KRT37: variants seen among roughly 807,000 people sequenced by gnomAD.
KRT37 encodes the protein keratin, type I cuticular Ha7.
A neutral mutation model predicts 41.9 loss-of-function variants in KRT37; 38 were observed. The observed-to-expected ratio is 0.91, with a 90% CI of 0.70 to 1.19. The LOEUF (loss-of-function observed/expected upper bound fraction) is 1.19, where lower values mean the gene tolerates loss of function less well. KRT37 is among the 50% of genes most tolerant of loss of function. The probability of loss-of-function intolerance (pLI) is 0.00; values close to 1 mark genes in which losing one functional copy is unlikely to be tolerated. For synonymous variants in KRT37, 252 were observed against 243.4 expected (o/e 1.04, Z -0.33); for missense variants, 580 against 575.5 (o/e 1.01, Z -0.08).
chr17:41,423,646 T>C, intron 2 of KRT37, 116 bp downstream of exon 2: 1 of 827,928 alleles, frequency 1.2e-6, no homozygotes, highest in African/African-American at 1.7e-5. Context: ...TGGAGAGAAA[T>C]ATTCTTCTAG....
Position 41,421,544 on chromosome 17 carries a change from T to C in KRT37, c.1064A>G (p.Tyr355Cys), listed in dbSNP as rs1339057340. 1.2e-6 allele frequency: 2 copies of C among 1,614,254 alleles called. No individual in the cohort carries two copies. Among genetic ancestry groups the C allele is most frequent in the Non-Finnish European group, 1.7e-6 (2 of 1,180,048 alleles). The change falls in exon 6 of 7, where the codon TAC becomes TGC. Residue 355 changes from tyrosine to cysteine, a missense_variant. Transcript: ENST00000225550. Reference protein sequence around the residue: ...QNSLCEAEDRYGTELAQMQSL... With the variant: ...QNSLCEAEDRCGTELAQMQSL... ...CTGCATCTGGGCCAGCTCTGTGCCG[T>C]AGCGGTCCTCCGCTTCACACAGGGA...
chr17:41,421,410 C>T lies in KRT37; in HGVS notation c.1198G>A (p.Glu400Lys), dbSNP rs765141423. Reference protein sequence around the residue: ...LLDVKARLENEIATYRNLLES... With the variant: ...LLDVKARLENKIATYRNLLES... Reference sequence around the variant, plus strand: ...AGAAGGTTCCGGTATGTGGCAATCTCGTTCTCCAACCGGGCCTTCACGTCC... The same window carrying T: ...AGAAGGTTCCGGTATGTGGCAATCTTGTTCTCCAACCGGGCCTTCACGTCC... The change falls in exon 6 of 7, where the codon GAG becomes AAG. Residue 400 changes from glutamate (E) to lysine (K), a missense_variant. By Grantham distance (56) the Glu-to-Lys change is moderately conservative. Coordinates refer to ENST00000225550, the MANE Select transcript of KRT37 (RefSeq NM_003770.5). The T allele has an allele frequency of 1.2e-6, 2 of 1,614,244 alleles. No individual in the cohort carries two copies. Among genetic ancestry groups the T allele is most frequent in the Non-Finnish European group, 1.7e-6 (2 of 1,180,044 alleles).
rs2018571739 is a variant in KRT37, at chr17:41,423,516, T to C, written c.575+246A>G. 1.3e-5 allele frequency: 6 copies of C among 472,334 alleles called. No homozygotes were observed. In the South Asian group the frequency reaches 2.7e-4, roughly 22 times the overall value. The allele number at this position is 472,334 out of a possible 1,614,324, so 29.3% of individuals were successfully genotyped here. A position where few individuals can be genotyped will look rare whatever the true frequency, so the allele number is the denominator to read the frequency against. Reference sequence around the variant, plus strand: ...GCAAAATCCTCTTATCTTCTAGATATGGGAGAAAGTGACATAGGTTCTAAC... The same window carrying C: ...GCAAAATCCTCTTATCTTCTAGATACGGGAGAAAGTGACATAGGTTCTAAC... On this transcript the variant is annotated intron_variant, in intron 2 of 6. Coordinates refer to ENST00000225550, the MANE Select transcript of KRT37 (RefSeq NM_003770.5).
chr17:41,424,528 T>G lies in KRT37; in HGVS notation c.-5A>C. 1.9e-6 allele frequency: 3 copies of G among 1,565,078 alleles called. No individual in the cohort carries two copies. Among genetic ancestry groups the G allele is most frequent in the Non-Finnish European group, 2.6e-6 (3 of 1,152,044 alleles). On this transcript the variant is annotated 5_prime_UTR_variant, in exon 1 of 7. Transcript: ENST00000225550. ...GGTGCTGTAGAAGGAGGTCATGGTG[T>G]AGGGCTGAGGCTGCACAGGAGCTTC...
At position 41,422,153 on chromosome 17, in the gene KRT37, CT is replaced by C. The variant is rs747166700; in HGVS notation, c.935del (p.Glu312GlyfsTer12). The C allele has an allele frequency of 1.2e-6, 2 of 1,614,204 alleles. No individual in the cohort carries two copies. The highest frequency in any genetic ancestry group is 1.7e-6 in the Non-Finnish European group (2 of 1,180,030). ...GGATCTCCGACTGGCAGCACTGCAGCTCCTCGGAGCAGGACATGGCCTGCAG... is the reference window on the plus strand; with the variant it reads ...GGATCTCCGACTGGCAGCACTGCAGCCCTCGGAGCAGGACATGGCCTGCAG... Reference protein sequence around the residue: ...ISLQAMSCSEELQCCQSEILE... With the variant: ...ISLQAMSCSEXLQCCQSEILE... On this transcript the variant is annotated frameshift_variant, in exon 5 of 7. Transcript: ENST00000225550. LOFTEE classifies it high-confidence loss of function.
Position 41,420,993 on chromosome 17 carries a change from G to A in KRT37, c.1242-7C>T, listed in dbSNP as rs1228427089. 1.9e-6 allele frequency: 3 copies of A among 1,596,240 alleles called. No individual in the cohort carries two copies. Among genetic ancestry groups the A allele is most frequent in the Middle Eastern group, 1.7e-4 (1 of 6,038 alleles). ...ACAGGGATTGCAGGGGAGTCTGCAG[G>A]GAGAGAAAGAAGAGTTACATTAAAA... is the stretch of plus-strand genomic sequence containing the variant. On this transcript the variant is annotated splice_polypyrimidine_tract_variant and splice_region_variant and intron_variant, in intron 6 of 6. Transcript: ENST00000225550.
Position 41,421,463 on chromosome 17 carries a change from C to A in KRT37, c.1145G>T (p.Arg382Leu), listed in dbSNP as rs62066785. The change falls in exon 6 of 7, where the codon CGG becomes CTG. Residue 382 changes from arginine (R) to leucine (L), a missense_variant. Arg to Leu is a moderately radical substitution (Grantham distance 102). Transcript: ENST00000225550. ...CAGCACCTGGTACTCCTGGTTCTGCCGCTCCAGGTCGGCCCGGATCTCAGA... is the reference window on the plus strand; with the variant it reads ...CAGCACCTGGTACTCCTGGTTCTGCAGCTCCAGGTCGGCCCGGATCTCAGA... Reference protein sequence around the residue: ...QLSEIRADLERQNQEYQVLLD... With the variant: ...QLSEIRADLELQNQEYQVLLD... The A allele has an allele frequency of 2.6e-3, 4,162 of 1,614,214 alleles. 8 individuals are homozygous for A. Among genetic ancestry groups the A allele is most frequent in the Non-Finnish European group, 3.3e-3 (3,926 of 1,180,038 alleles).
rs1230138285 is a variant in KRT37, at chr17:41,424,158, C to T, written c.366G>A (p.Val122=). The change falls in exon 1 of 7, where the codon GTG becomes GTA. Residue 122 remains valine, a synonymous_variant. Coordinates refer to ENST00000225550, the MANE Select transcript of KRT37 (RefSeq NM_003770.5). ...CTGCATTCTCCTGCTCCAGCTGGCG[C>T]ACCTTCTCCAGGTAGTTGGCCAGGC... ...NDRLANYLEK[V]RQLEQENAEL... The T allele has an allele frequency of 6.2e-7, 1 of 1,614,140 alleles. No individual in the cohort carries two copies. The highest frequency in any genetic ancestry group is 8.5e-7 in the Non-Finnish European group (1 of 1,180,052).
At chr17:41,422,643 TG>T in intron 3 of KRT37, 134 bp downstream of exon 3, 1 of 1,258,476 alleles carries the variant, frequency 7.9e-7, no homozygotes, top group Non-Finnish European at 1.1e-6. Flanking sequence ...AGAGGCCCTC[TG>T]GACCCTCAGA....
chr17:41,422,136 G>A lies in KRT37; in HGVS notation c.953C>T (p.Ser318Leu), dbSNP rs776655639. 1.9e-5 allele frequency: 31 copies of A among 1,614,058 alleles called. No individual in the cohort carries two copies. The highest frequency in any genetic ancestry group is 2.4e-5 in the Non-Finnish European group (28 of 1,180,046). The change falls in exon 5 of 7, where the codon TCG (serine) becomes TTG (leucine). Residue 318 changes from serine (S) to leucine (L), a missense_variant. Coordinates refer to ENST00000225550, the MANE Select transcript of KRT37 (RefSeq NM_003770.5). Reference protein sequence around the residue: ...SCSEELQCCQSEILELRCTVN... With the variant: ...SCSEELQCCQLEILELRCTVN... ...CGTGCATCTCAGCTCCAGGATCTCCGACTGGCAGCACTGCAGCTCCTCGGA... is the reference window on the plus strand; with the variant it reads ...CGTGCATCTCAGCTCCAGGATCTCCAACTGGCAGCACTGCAGCTCCTCGGA...
At position 41,422,004 on chromosome 17, in the gene KRT37, A is replaced by C. The variant is rs2018545022; in HGVS notation, c.1020+65T>G. ...GAAGGAACTGATTTGTGAGACTTTA[A>C]GAGATGCTACTACCAGGACATGGCA... On this transcript the variant is annotated intron_variant, in intron 5 of 6. Transcript: ENST00000225550. 13 of 1,611,062 alleles carry C rather than the reference A, an allele frequency of 8.1e-6. 1 individual carries two copies. In the South Asian group the frequency reaches 1.4e-4, roughly 18 times the overall value.
rs751171337 is a variant in KRT37, at chr17:41,424,069, T to A, written c.455A>T (p.Gln152Leu). Residue 152 changes from glutamine (Q) to leucine (L), a missense_variant, in exon 1 of 7, where the codon CAG becomes CTG. Coordinates refer to ENST00000225550, the MANE Select transcript of KRT37 (RefSeq NM_003770.5). ...CHESTVCPDYQSYFRTIEELQ... is the reference protein window; with the variant it reads ...CHESTVCPDYLSYFRTIEELQ... ...CTCCTCGATTGTACGGAAGTAGGACTGGTAGTCGGGGCACACGGTGGACTC... is the reference window on the plus strand; with the variant it reads ...CTCCTCGATTGTACGGAAGTAGGACAGGTAGTCGGGGCACACGGTGGACTC... 1.9e-6 allele frequency: 3 copies of A among 1,614,194 alleles called. No individual in the cohort carries two copies. The highest frequency in any genetic ancestry group is 2.7e-5 in the African/African-American group (2 of 75,052).
chr17:41,423,077 G>T (rs970945517), intron 2 of KRT37, 143 bp from the exon 3 acceptor site: 3 of 999,486 alleles, frequency 3.0e-6, no homozygotes, highest in South Asian at 3.8e-5. Flanking sequence ...GCAGCGACAC[G>T]GTTTGTAGTC....
Position 41,422,375 on chromosome 17 carries a change from C to A in KRT37, c.792G>T (p.Glu264Asp). 6.2e-7 allele frequency: 1 copy of A among 1,614,162 alleles called. No individual in the cohort carries two copies. Among genetic ancestry groups the A allele is most frequent in the Non-Finnish European group, 8.5e-7 (1 of 1,179,988 alleles). ...ACACCCTGTTCAGGTCAATGGTGGG[C>A]TCAATGTCCAGCTCGATCCGGAACT... ...GEKFRIELDI[E>D]PTIDLNRVLG... The change falls in exon 4 of 7, where the codon GAG becomes GAT. Residue 264 changes from glutamate to aspartate, a missense_variant. Physicochemically the swap from Glu to Asp is conservative, Grantham distance 45 (BLOSUM62 2). Transcript: ENST00000225550.
intron 5 of KRT37, 119 bp from the exon 6 acceptor site, chr17:41,421,706 C>T (rs2018542237): frequency 1.1e-6 from 1 of 947,568 alleles, no homozygotes; most frequent in Non-Finnish European, 1.6e-6. Flanking sequence ...ATTCTCAGAG[C>T]TCTGGAGAAA....
chr17:41,420,842 C>A lies in KRT37; in HGVS notation c.*36G>T. Reference sequence around the variant, plus strand: ...GGTGAGGGCACTCCTGACCCCAGTGCAACCAGCCTCAATCTCCTAACTCGG... The same window carrying A: ...GGTGAGGGCACTCCTGACCCCAGTGAAACCAGCCTCAATCTCCTAACTCGG... On this transcript the variant is annotated 3_prime_UTR_variant, in exon 7 of 7. Coordinates refer to ENST00000225550, the MANE Select transcript of KRT37 (RefSeq NM_003770.5). The A allele has an allele frequency of 6.8e-7, 1 of 1,463,886 alleles. No individual in the cohort carries two copies. Among genetic ancestry groups the A allele is most frequent in the East Asian group, 2.3e-5 (1 of 44,070 alleles). The allele number at this position is 1,463,886 out of a possible 1,614,324, so 90.7% of individuals were successfully genotyped here.
rs145276545 is a variant in KRT37 at position 41,422,878 on chromosome 17, T to G, written c.632A>C (p.Gln211Pro). 2 of 1,614,198 alleles carry G rather than the reference T, an allele frequency of 1.2e-6. No homozygotes were observed. Among genetic ancestry groups the G allele is most frequent in the African/African-American group, 2.7e-5 (2 of 75,070 alleles). Residue 211 changes from glutamine to proline, a missense_variant, in exon 3 of 7, where the codon CAG (glutamine) becomes CCG (proline). Physicochemically the swap from Gln to Pro is moderately conservative, Grantham distance 76. Coordinates refer to ENST00000225550, the MANE Select transcript of KRT37 (RefSeq NM_003770.5). ...CAGGGTCGCGTCATCCAGGAGCTTC[T>G]GCGTCCCGCACTTGTCCGCCTCCAC... ...QLVEADKCGT[Q>P]KLLDDATLAK...
chr17:41,423,017 C>A, intron 2 of KRT37, 83 bp from the exon 3 acceptor site: 1 of 1,502,426 alleles, frequency 6.7e-7, no homozygotes, highest in South Asian at 1.3e-5. Flanking sequence ...TCCCACACCA[C>A]CTTGGATCCT....
chr17:41,421,050 G>T, intron 6 of KRT37, 64 bp from the exon 7 acceptor site: 1 of 1,334,724 alleles, frequency 7.5e-7, no homozygotes, highest in Non-Finnish European at 1.1e-6. Flanking sequence ...ACAAGGGTAA[G>T]ATCAGGGTGA....
Sources: allele counts gnomAD v4.1 joint callset, GRCh38; gene constraint gnomAD v4.1.1; transcripts MANE v1.5; gene names NCBI Gene and HGNC (gene_info 2026-07-23, HGNC 2026-07-21).